Variants in RABEPK observed in about 807,000 individuals in gnomAD.
RABEPK encodes 40 kDa Rab9 effector protein.
A neutral mutation model predicts 34.1 loss-of-function variants in RABEPK; 27 were observed. The ratio of observed to expected loss-of-function variants is 0.79; its 90% CI spans 0.58 to 1.09. The LOEUF is 1.09. Ranked by LOEUF, RABEPK falls within the 50% of genes least tolerant of loss-of-function variation. The pLI is 0.00. For synonymous variants in RABEPK, 172 were observed against 169.2 expected (o/e 1.02, Z -0.13); for missense variants, 449 against 462.6 (o/e 0.97, Z 0.27).
chr9:125,208,910 A>C (rs547239506), intron 3 of RABEPK, among the ~76,000 whole-genome samples: 1 of 152,074 alleles, frequency 6.6e-6, no homozygotes, highest in African/African-American at 2.4e-5. Context: ...GTTATCTCTC[A>C]ACTAGACTTA....
At chr9:125,228,867 G>C (rs1480891479) in intron 6 of RABEPK, among the ~76,000 whole-genome samples, 1 of 151,456 alleles carries the variant, frequency 6.6e-6, no homozygotes, top group Non-Finnish European at 1.5e-5. Flanking sequence ...GGAGGCTGAG[G>C]CAGGAGAATT....
In RABEPK at chr9:125,233,810, C is replaced by T; in HGVS notation, c.949C>T (p.Leu317Phe). 1.2e-6 allele frequency: 2 copies of T among 1,614,168 alleles called. No individual in the cohort carries two copies. The highest frequency in any genetic ancestry group is 1.7e-6 in the Non-Finnish European group (2 of 1,180,026). Residue 317 changes from leucine to phenylalanine, a missense_variant, in exon 8 of 8, where the codon CTC (leucine) becomes TTC (phenylalanine). By Grantham distance (22) the Leu-to-Phe change is conservative. Transcript: ENST00000373538. ...TTCTGAGAAAGAAGATTCCAACTCT[C>T]TCACTCTGAACCATGAAGCTGAGAA... ...CASEKEDSNSLTLNHEAEKED... is the reference protein window; with the variant it reads ...CASEKEDSNSFTLNHEAEKED...
intron 5 of RABEPK, chr9:125,221,684 T>C (rs1367323367): frequency 6.6e-6 from 1 of 150,874 alleles, no homozygotes; most frequent in Non-Finnish European, 1.5e-5. Flanking sequence ...CTTTTTCTTT[T>C]TTTTTTTTTG....
rs1173311892 is a variant in RABEPK at position 125,221,273 on chromosome 9, G to T, written c.526+573G>T. The T allele has an allele frequency of 6.6e-5, 10 of 152,052 alleles. No individual in the cohort carries two copies. In the East Asian group the frequency reaches 1.9e-3, roughly 29 times the overall value. 9.4% of individuals were successfully genotyped at this position (152,052 alleles called of 1,614,324 possible). ...GCACTTTGTGACGCCCAGGTGGGAG[G>T]ATCACCTGAGGTCAGGAGTTTGAAA... is the stretch of plus-strand genomic sequence containing the variant. On this transcript the variant is annotated intron_variant, in intron 5 of 7. Coordinates refer to ENST00000373538, the MANE Select transcript of RABEPK (RefSeq NM_005833.4).
chr9:125,214,527 T>TTTG (rs1830798606), intron 4 of RABEPK, among the ~76,000 whole-genome samples: 1 of 152,144 alleles, frequency 6.6e-6, no homozygotes, highest in Non-Finnish European at 1.5e-5. Context: ...GTTTTGTTTG[T>TTTG]TTGTTTTTGT....
chr9:125,231,816 T>C (rs1832199148), intron 6 of RABEPK, among the ~76,000 whole-genome samples: 1 of 151,370 alleles, frequency 6.6e-6, no homozygotes, highest in Non-Finnish European at 1.5e-5. Context: ...GTAATAGAAA[T>C]TTCATAGGGC....
intron 5 of RABEPK, chr9:125,220,969 A>G: frequency 3.2e-6 from 1 of 313,120 alleles, no homozygotes; most frequent in Non-Finnish European, 5.8e-6. Context: ...GAGTTCGAGA[A>G]CAGCCTGGCC....
chr9:125,233,070 C>G (rs1197453326), intron 7 of RABEPK, among the ~76,000 whole-genome samples: 2 of 144,452 alleles, frequency 1.4e-5, no homozygotes, highest in Non-Finnish European at 3.0e-5. Flanking sequence ...GAGCGAGACT[C>G]TGTCTCAAAA....
intron 2 of RABEPK, among the ~76,000 whole-genome samples, chr9:125,203,921 A>G (rs920003940): frequency 6.6e-6 from 1 of 151,694 alleles, no homozygotes; most frequent in Admixed American, 6.6e-5. Flanking sequence ...AGTCCCAGCT[A>G]CTAGGGAGGC....
Position 125,226,542 on chromosome 9 carries a change from T to C in RABEPK, c.527-1368T>C, listed in dbSNP as rs550975763. ...GAGTTTGAGACCAGTCTGGGCAACA[T>C]GGTGAAACCCCGTCTCTATGAAAAT... On this transcript the variant is annotated intron_variant, in intron 5 of 7. Coordinates refer to ENST00000373538, the MANE Select transcript of RABEPK (RefSeq NM_005833.4). Among the ~76,000 whole-genome samples the C allele has an allele frequency of 2.8e-4, 42 of 151,828 alleles. No individual in the cohort carries two copies. The South Asian group carries it at 8.5e-3, about 31-fold the overall frequency.
chr9:125,216,192 G>A (rs1588365310), intron 4 of RABEPK, among the ~76,000 whole-genome samples: 1 of 152,110 alleles, frequency 6.6e-6, no homozygotes, highest in East Asian at 1.9e-4. Context: ...GCTGAGGAGG[G>A]CGAGGCAGGA....
intron 4 of RABEPK, among the ~76,000 whole-genome samples, chr9:125,219,211 T>C (rs1831153140): frequency 6.7e-6 from 1 of 149,528 alleles, no homozygotes; most frequent in Admixed American, 6.7e-5. Flanking sequence ...TTTTTTTTTT[T>C]TTCAAGATAT....
intron 5 of RABEPK, among the ~76,000 whole-genome samples, chr9:125,223,327 TCTGCTGC>T (rs1831492367): frequency 9.3e-5 from 1 of 10,796 alleles, no homozygotes; most frequent in Non-Finnish European, 1.6e-4. Context: ...CCTGCCACCC[TCTGCTGC>T]AATCCCAGCT....
At chr9:125,230,861 C>T (rs926031210) in intron 6 of RABEPK, among the ~76,000 whole-genome samples, 3 of 151,680 alleles carry the variant, frequency 2.0e-5, no homozygotes, top group Non-Finnish European at 4.4e-5. Context: ...TTACACAAAA[C>T]CATTCCTTGC....
intron 5 of RABEPK, chr9:125,221,680 C>G (rs1322578015): frequency 7.1e-6 from 1 of 141,704 alleles, no homozygotes; most frequent in South Asian, 2.3e-4. Flanking sequence ...TTTTCTTTTT[C>G]TTTTTTTTTT....
intron 1 of RABEPK, among the ~76,000 whole-genome samples, chr9:125,201,614 A>AT (rs971265036): frequency 1.5e-4 from 22 of 150,356 alleles, no homozygotes; most frequent in South Asian, 1.1e-3. Context: ...CTCCATTTCT[A>AT]TTTTTTTTTC....
At chr9:125,219,449 C>T (rs1260542821) in intron 4 of RABEPK, among the ~76,000 whole-genome samples, 1 of 151,976 alleles carries the variant, frequency 6.6e-6, no homozygotes, top group Non-Finnish European at 1.5e-5. Context: ...GGCTGGAGTG[C>T]AGTGGCATGA....
intron 2 of RABEPK, among the ~76,000 whole-genome samples, chr9:125,205,611 T>C (rs917161667): frequency 6.6e-6 from 1 of 152,186 alleles, no homozygotes; most frequent in African/African-American, 2.4e-5. Flanking sequence ...TGCCTCAGCC[T>C]CCCAAGTAGC....
At chr9:125,208,969 A>C (rs1489960906) in intron 3 of RABEPK, among the ~76,000 whole-genome samples, 2 of 151,888 alleles carry the variant, frequency 1.3e-5, no homozygotes, top group African/African-American at 2.4e-5. Flanking sequence ...CCCCCTATAC[A>C]GTGCATTTTC....
Sources: allele counts gnomAD v4.1 joint callset (sites outside exome capture counted in the v4.1 genomes callset), GRCh38; gene constraint gnomAD v4.1.1; transcripts MANE v1.5; gene names NCBI Gene and HGNC (gene_info 2026-07-23, HGNC 2026-07-21).